LINGO1: variants seen among roughly 807,000 people sequenced by gnomAD.
LINGO1 encodes the protein leucine-rich repeat and immunoglobulin-like domain-containing nogo receptor-interacting protein 1.
A neutral mutation model predicts 37.3 loss-of-function variants in LINGO1; 11 were observed. The ratio of observed to expected loss-of-function variants is 0.29; its 90% CI spans 0.19 to 0.49. The LOEUF (loss-of-function observed/expected upper bound fraction) is 0.49, where lower values mean the gene tolerates loss of function less well. Among genes scored for constraint, LINGO1 ranks in the 20% least tolerant of loss-of-function variants. The pLI, the probability that LINGO1 is intolerant of heterozygous loss-of-function variation, is 0.99. For missense variants in LINGO1, 585 were observed against 878.2 expected (o/e 0.67, Z 4.22); for synonymous variants, 387 against 403.0 (o/e 0.96, Z 0.48).
At chr15:77,688,460 G>A (rs1266644847) in intron 2 of LINGO1, among the ~76,000 whole-genome samples, 1 of 152,130 alleles carries the variant, frequency 6.6e-6, no homozygotes, top group African/African-American at 2.4e-5. Context: ...GAGAGGGAGG[G>A]AAGAGGGCGG....
chr15:77,727,305 A>T (rs1360844500), intron 2 of LINGO1, among the ~76,000 whole-genome samples: 2 of 152,240 alleles, frequency 1.3e-5, no homozygotes, highest in Non-Finnish European at 2.9e-5. Context: ...TCATTGTAGC[A>T]TTATTCACAA....
At chr15:77,716,568 C>A (rs114540731) in intron 2 of LINGO1, among the ~76,000 whole-genome samples, 1 of 150,034 alleles carries the variant, frequency 6.7e-6, no homozygotes, top group African/African-American at 2.4e-5. Context: ...TACACACACA[C>A]GTCTATGCAG....
chr15:77,727,774 G>A (rs905574457), intron 2 of LINGO1, among the ~76,000 whole-genome samples: 8 of 151,758 alleles, frequency 5.3e-5, no homozygotes, highest in African/African-American at 1.9e-4. Flanking sequence ...GAAAAAATGA[G>A]CTTCATCCCC....
intron 2 of LINGO1, among the ~76,000 whole-genome samples, chr15:77,715,452 A>G (rs1241185375): frequency 6.6e-6 from 1 of 152,248 alleles, no homozygotes; most frequent in African/African-American, 2.4e-5. Flanking sequence ...CAAGCAGAGC[A>G]GGGCATTTTA....
At chr15:77,781,785 G>A (rs1012196292) in intron 1 of LINGO1, among the ~76,000 whole-genome samples, 7 of 152,230 alleles carry the variant, frequency 4.6e-5, no homozygotes, top group African/African-American at 7.2e-5. Context: ...GGGAGCTGCC[G>A]GTGTTTTCTG....
At chr15:77,727,568 C>T (rs2076114663) in intron 2 of LINGO1, among the ~76,000 whole-genome samples, 1 of 152,116 alleles carries the variant, frequency 6.6e-6, no homozygotes, top group Non-Finnish European at 1.5e-5. Flanking sequence ...AGGAAGGCTG[C>T]CAGGGGCTGT....
chr15:77,663,262 C>A (rs571187268), intron 3 of LINGO1, among the ~76,000 whole-genome samples: 23 of 151,990 alleles, frequency 1.5e-4, no homozygotes, highest in Non-Finnish European at 2.5e-4. Flanking sequence ...AAGAAGAAAG[C>A]GGCTTTGGTG....
chr15:77,800,064 G>A (rs758970432), intron 1 of LINGO1, among the ~76,000 whole-genome samples: 3 of 152,194 alleles, frequency 2.0e-5, no homozygotes, highest in African/African-American at 7.2e-5. Flanking sequence ...CTGTGGGAAG[G>A]GAGGAAGAAG....
intron 1 of LINGO1, among the ~76,000 whole-genome samples, chr15:77,796,711 CTTTTTT>C (rs59535084): frequency 1.4e-5 from 2 of 142,684 alleles, no homozygotes; most frequent in African/African-American, 5.2e-5. Context: ...CCTCTCCTGC[CTTTTTT>C]TTTTTTTTTA....
chr15:77,726,098 G>A (rs2076099361), intron 2 of LINGO1, among the ~76,000 whole-genome samples: 2 of 152,326 alleles, frequency 1.3e-5, no homozygotes, highest in South Asian at 2.1e-4. Context: ...CGGAAGATTA[G>A]GGCAGGAGGA....
chr15:77,645,821 T>C (rs1217754885), intron 3 of LINGO1, among the ~76,000 whole-genome samples: 1 of 152,244 alleles, frequency 6.6e-6, no homozygotes, highest in Non-Finnish European at 1.5e-5. Flanking sequence ...TCGCTGGTAA[T>C]TCTCCCTTTG....
chr15:77,691,769 C>T (rs1297605020), intron 1 of LINGO1, among the ~76,000 whole-genome samples: 1 of 151,986 alleles, frequency 6.6e-6, no homozygotes, highest in Admixed American at 6.5e-5. Flanking sequence ...GAGTATTACA[C>T]AGCCATTAAA....
intron 1 of LINGO1, among the ~76,000 whole-genome samples, chr15:77,779,069 T>C (rs2076689504): frequency 6.6e-6 from 1 of 152,094 alleles, no homozygotes; most frequent in African/African-American, 2.4e-5. Flanking sequence ...TTCCTCTGCT[T>C]TGAATGGTCT....
At chr15:77,738,435 T>C (rs1013780272) in intron 1 of LINGO1, among the ~76,000 whole-genome samples, 4 of 152,154 alleles carry the variant, frequency 2.6e-5, no homozygotes, top group Non-Finnish European at 4.4e-5. Context: ...GTTTTTGCCC[T>C]CTCGCTCCTT....
intron 1 of LINGO1, among the ~76,000 whole-genome samples, chr15:77,799,049 G>A (rs552939839): frequency 6.6e-6 from 1 of 152,142 alleles, no homozygotes; most frequent in Non-Finnish European, 1.5e-5. Flanking sequence ...GTACAGATTG[G>A]GAGACTGAGG....
intron 3 of LINGO1, among the ~76,000 whole-genome samples, chr15:77,674,447 C>T (rs1490614840): frequency 6.6e-6 from 1 of 152,208 alleles, no homozygotes; most frequent in Non-Finnish European, 1.5e-5. Flanking sequence ...TTTTGGGTAA[C>T]AGTCAAGTCC....
chr15:77,631,694 C>T (rs545207555), intron 1 of LINGO1, among the ~76,000 whole-genome samples: 40 of 152,256 alleles, frequency 2.6e-4, no homozygotes, highest in Non-Finnish European at 4.6e-4. Flanking sequence ...CCGGGCTGAA[C>T]GCAGACAAAG....
At chr15:77,709,038 G>A (rs1258141552) in intron 2 of LINGO1, among the ~76,000 whole-genome samples, 2 of 152,218 alleles carry the variant, frequency 1.3e-5, no homozygotes, top group Non-Finnish European at 2.9e-5. Flanking sequence ...CCAGGAGCCA[G>A]AAGAGGCCAG....
intron 1 of LINGO1, among the ~76,000 whole-genome samples, chr15:77,782,499 TC>T (rs935152046): frequency 6.6e-6 from 1 of 152,074 alleles, no homozygotes; most frequent in South Asian, 2.1e-4. Flanking sequence ...AGTGAGAAGG[TC>T]CCCGATGCTG....
Sources: gnomAD v4.1 joint callset for allele counts (sites outside exome capture counted in the v4.1 genomes callset) on GRCh38, gnomAD v4.1.1 for gene constraint, MANE v1.5 for transcripts, NCBI Gene and HGNC (gene_info 2026-07-23, HGNC 2026-07-21) for gene names.